Variants in ABCA12 observed in about 807,000 individuals in gnomAD.
The protein encoded by ABCA12 is ATP binding cassette subfamily A member 12, also known as glucosylceramide transporter ABCA12.
A neutral mutation model predicts 293.5 loss-of-function variants in ABCA12; 156 were observed. The observed-to-expected ratio is 0.53, with a 90% CI of 0.47 to 0.61. The LOEUF is 0.61. Ranked by LOEUF, ABCA12 falls within the 20% of genes least tolerant of loss-of-function variation. The pLI is 0.00. For synonymous variants in ABCA12, 1,063 were observed against 1,108.0 expected, an observed-to-expected ratio of 0.96 and a Z score of 0.81; for missense variants, 2,797 against 3,090.2, an observed-to-expected ratio of 0.91 and a Z score of 2.25.
At chr2:215,061,796 T>A (rs1346545991) in intron 3 of ABCA12, among the ~76,000 whole-genome samples, 1 of 151,952 alleles carries the variant, frequency 6.6e-6, no homozygotes, top group African/African-American at 2.4e-5. Context: ...AATCAACAGA[T>A]GAAAAAATAC....
intron 13 of ABCA12, 114 bp from the exon 14 acceptor site, chr2:215,018,246 G>T: frequency 7.5e-7 from 1 of 1,336,884 alleles, no homozygotes; most frequent in Non-Finnish European, 1.0e-6. Context: ...CTTCTCAGGG[G>T]CAGATGTCTC....
Position 214,987,690 on chromosome 2 carries a change from G to C in ABCA12, c.3933C>G (p.Leu1311=), listed in dbSNP as rs140847485. The C allele has an allele frequency of 3.8e-5, 61 of 1,614,080 alleles. No homozygotes were observed. The highest frequency in any genetic ancestry group is 5.2e-5 in the Non-Finnish European group (61 of 1,179,982). The change falls in exon 27 of 53, where the codon CTC becomes CTG. Residue 1311 remains leucine, a synonymous_variant. Coordinates refer to ENST00000272895, the MANE Select transcript of ABCA12 (RefSeq NM_173076.3). ...TCTGCATCATGATGTTAGTAAACAT[G>C]AGGCCATTGCTCTTCTCAGGCTTCA... ...AEVKPEKSNG[L]MFTNIMMQNT...
At chr2:214,996,548 G>T (rs1229895376) in intron 23 of ABCA12, among the ~76,000 whole-genome samples, 1 of 152,122 alleles carries the variant, frequency 6.6e-6, no homozygotes, top group Non-Finnish European at 1.5e-5. Flanking sequence ...ATGGATTCAA[G>T]TTTCTAAATT....
At chr2:215,119,940 A>G (rs1351638909) in intron 1 of ABCA12, among the ~76,000 whole-genome samples, 1 of 152,116 alleles carries the variant, frequency 6.6e-6, no homozygotes, top group Non-Finnish European at 1.5e-5. Context: ...AACCAGAGGA[A>G]AAAAGATCAT....
Position 214,958,310 on chromosome 2 carries a change from T to C in ABCA12, c.6084A>G (p.Thr2028=). Residue 2028 remains threonine, a synonymous_variant, in exon 41 of 53, where the codon ACA becomes ACG. Transcript: ENST00000272895. ...AAATGAAGTTTGTTACCCAGTAGCA[T>C]GTCACGCCAATGCCTGAAATGTGCT... ...QLQHISGIGV[T]CYWVTNFIYD... 6.2e-7 allele frequency: 1 copy of C among 1,614,044 alleles called. No homozygotes were observed. The highest frequency in any genetic ancestry group is 8.5e-7 in the Non-Finnish European group (1 of 1,179,882).
chr2:215,040,922 T>C lies in ABCA12; in HGVS notation c.873-3857A>G, dbSNP rs151151549. ...GAATATATGTGCAGAATGTGCAGGT[T>C]TGTTACATACATATATGTGTACCAT... is the stretch of plus-strand genomic sequence containing the variant. On this transcript the variant is annotated intron_variant, in intron 7 of 52. Coordinates refer to ENST00000272895, the MANE Select transcript of ABCA12 (RefSeq NM_173076.3). 4.9e-3 allele frequency among the ~76,000 whole-genome samples: 742 copies of C among 152,326 alleles called. 3 individuals are homozygous for C. Among genetic ancestry groups the C allele is most frequent in the Non-Finnish European group, 7.9e-3 (535 of 68,018 alleles).
chr2:214,960,926 T>C (rs1699094437), intron 39 of ABCA12, among the ~76,000 whole-genome samples: 1 of 152,070 alleles, frequency 6.6e-6, no homozygotes, highest in South Asian at 2.1e-4. Context: ...GATATTGACA[T>C]TGCAAAGGAA....
chr2:215,102,838 T>C (rs1702386246), intron 2 of ABCA12, among the ~76,000 whole-genome samples: 2 of 152,212 alleles, frequency 1.3e-5, no homozygotes, highest in African/African-American at 4.8e-5. Context: ...GTCTTAGCAC[T>C]GAACTCTACG....
chr2:215,080,170 T>C (rs1300743626), intron 2 of ABCA12, among the ~76,000 whole-genome samples: 1 of 152,158 alleles, frequency 6.6e-6, no homozygotes, highest in African/African-American at 2.4e-5. Flanking sequence ...ATGTAGTTAC[T>C]TAAAATTCCT....
At chr2:215,086,504 A>AT (rs1702040580) in intron 2 of ABCA12, among the ~76,000 whole-genome samples, 1 of 152,180 alleles carries the variant, frequency 6.6e-6, no homozygotes, top group Non-Finnish European at 1.5e-5. Flanking sequence ...TAGTCAGTTA[A>AT]TGTGGCTTGA....
chr2:215,004,382 G>A (rs1020286393), intron 19 of ABCA12, 83 bp from the exon 20 acceptor site: 5 of 996,706 alleles, frequency 5.0e-6, no homozygotes, highest in South Asian at 1.3e-5. Flanking sequence ...CCACAGTGAA[G>A]TGCAGTAACC....
Position 214,968,786 on chromosome 2 carries a change from C to G in ABCA12, c.5712G>C (p.Gly1904=). 6.2e-7 allele frequency: 1 copy of G among 1,613,152 alleles called. No individual in the cohort carries two copies. The highest frequency in any genetic ancestry group is 8.5e-7 in the Non-Finnish European group (1 of 1,179,298). ...AACGAAGGTCTTTTGTCAAAGGCAG[C>G]CCAAAACTCCAACCTCCATATCTAC... ...VQKRYGGWSF[G]LPLTKDLRFD... The change falls in exon 38 of 53, where the codon GGG becomes GGC. Residue 1904 remains glycine (G), a synonymous_variant. Transcript: ENST00000272895.
chr2:215,130,223 T>C (rs993755305), intron 1 of ABCA12, among the ~76,000 whole-genome samples: 1 of 147,792 alleles, frequency 6.8e-6, no homozygotes, highest in Non-Finnish European at 1.5e-5. Context: ...CTTGGTTCTA[T>C]GTAAACTTTA....
intron 4 of ABCA12, among the ~76,000 whole-genome samples, chr2:215,054,265 TC>T (rs1278177153): frequency 6.6e-6 from 1 of 152,076 alleles, no homozygotes; most frequent in African/African-American, 2.4e-5. Context: ...TTCTAACCCA[TC>T]CCAGCATCAT....
At chr2:214,950,461 C>T (rs1698729624) in intron 45 of ABCA12, among the ~76,000 whole-genome samples, 1 of 145,912 alleles carries the variant, frequency 6.9e-6, no homozygotes, top group Non-Finnish European at 1.5e-5. Context: ...TGGAAATATT[C>T]AGATTAACAT....
chr2:215,005,531 C>T (rs1700233769), intron 19 of ABCA12, among the ~76,000 whole-genome samples: 1 of 152,198 alleles, frequency 6.6e-6, no homozygotes, highest in Non-Finnish European at 1.5e-5. Flanking sequence ...TGATGGCTAG[C>T]TATCATGCAG....
At chr2:215,115,615 C>CA (rs1702670310) in intron 1 of ABCA12, among the ~76,000 whole-genome samples, 1 of 152,178 alleles carries the variant, frequency 6.6e-6, no homozygotes, top group South Asian at 2.1e-4. Context: ...CTCTTGGCAT[C>CA]AAAGGGTATG....
chr2:214,948,449 C>T, intron 47 of ABCA12, 147 bp downstream of exon 47: 1 of 822,314 alleles, frequency 1.2e-6, no homozygotes, highest in Non-Finnish European at 1.9e-6. Flanking sequence ...CTGCCATTGC[C>T]ACTGCCAGAA....
At chr2:215,111,104 C>T (rs1409964957) in intron 2 of ABCA12, among the ~76,000 whole-genome samples, 1 of 152,152 alleles carries the variant, frequency 6.6e-6, no homozygotes, top group Non-Finnish European at 1.5e-5. Flanking sequence ...ACTGAAAGAG[C>T]GCTAATTAGA....
Sources: gnomAD v4.1 joint callset for allele counts (sites outside exome capture counted in the v4.1 genomes callset) on GRCh38, gnomAD v4.1.1 for gene constraint, MANE v1.5 for transcripts, NCBI Gene and HGNC (gene_info 2026-07-23, HGNC 2026-07-21) for gene names.